The following CUL1 variants were observed in gnomAD, a reference collection of about 807,000 sequenced individuals.
CUL1 encodes cullin 1.
A neutral mutation model predicts 118.0 loss-of-function variants in CUL1; 24 were observed. The observed-to-expected ratio is 0.20, with a 90% CI of 0.15 to 0.29. The LOEUF (loss-of-function observed/expected upper bound fraction) is 0.29. Ranked by LOEUF, CUL1 falls within the 10% of genes least tolerant of loss-of-function variation. The probability of loss-of-function intolerance (pLI) is 1.00; values close to 1 mark genes in which losing one functional copy is unlikely to be tolerated. For synonymous variants in CUL1, 332 were observed against 340.4 expected (o/e 0.98, Z 0.27); for missense variants, 361 against 933.8 (o/e 0.39, Z 7.99).
Position 148,738,731 on chromosome 7 carries a change from T to A in CUL1, c.140+8469T>A, listed in dbSNP as rs528859912. ...ATTTTATTGCCTTGTAGACTTTTAATTTTTTATCTCTGATGTTTTTGCTTT... is the reference window on the plus strand; with the variant it reads ...ATTTTATTGCCTTGTAGACTTTTAAATTTTTATCTCTGATGTTTTTGCTTT... On this transcript the variant is annotated intron_variant, in intron 2 of 21. Transcript: ENST00000325222. Among the ~76,000 whole-genome samples the A allele has an allele frequency of 9.2e-5, 14 of 152,360 alleles. No homozygotes were observed. In the South Asian group the frequency reaches 2.9e-3, roughly 32 times the overall value.
At chr7:148,788,519 G>C (rs1800894985) in intron 13 of CUL1, 38 bp from the exon 14 acceptor site, 2 of 1,314,466 alleles carry the variant, frequency 1.5e-6, no homozygotes, top group African/African-American at 2.9e-5. Flanking sequence ...TTGTATTTTT[G>C]TACAAATTAA....
Position 148,730,071 on chromosome 7 carries a change from T to G in CUL1, c.-52T>G. 1.9e-6 allele frequency: 3 copies of G among 1,575,344 alleles called. No homozygotes were observed. The highest frequency in any genetic ancestry group is 2.6e-6 in the Non-Finnish European group (3 of 1,159,648). ...TATTTTCATCTAATGGAGAACTAGCTGTACTTTGAATAAGGATTGCTGCAC... is the reference window on the plus strand; with the variant it reads ...TATTTTCATCTAATGGAGAACTAGCGGTACTTTGAATAAGGATTGCTGCAC... On this transcript the variant is annotated 5_prime_UTR_variant, in exon 2 of 22. Coordinates refer to ENST00000325222, the MANE Select transcript of CUL1 (RefSeq NM_003592.3).
At chr7:148,799,814 C>A (rs895916390) in intron 21 of CUL1, among the ~76,000 whole-genome samples, 6 of 152,186 alleles carry the variant, frequency 3.9e-5, no homozygotes, top group Non-Finnish European at 7.3e-5. Context: ...GCAGTATCTT[C>A]GGGAGGTTCG....
At chr7:148,792,859 T>C (rs774583661) in intron 17 of CUL1, 41 bp downstream of exon 17, 1 of 1,422,692 alleles carries the variant, frequency 7.0e-7, no homozygotes, top group Non-Finnish European at 9.9e-7. Flanking sequence ...AGCTTGCCGT[T>C]TCCTTGTTCT....
intron 2 of CUL1, 90 bp downstream of exon 2, chr7:148,730,352 C>T: frequency 7.4e-7 from 1 of 1,356,372 alleles, no homozygotes; most frequent in East Asian, 2.5e-5. Context: ...ATATTGTTTT[C>T]TCCTCCCAGT....
intron 9 of CUL1, among the ~76,000 whole-genome samples, chr7:148,779,443 A>G (rs1295466445): frequency 2.0e-5 from 3 of 152,186 alleles, no homozygotes; most frequent in Non-Finnish European, 4.4e-5. Flanking sequence ...GCATCCCTGA[A>G]AAAAGTGTTT....
chr7:148,708,336 G>T (rs886389610), intron 1 of CUL1, among the ~76,000 whole-genome samples: 3 of 152,126 alleles, frequency 2.0e-5, no homozygotes, highest in Non-Finnish European at 2.9e-5. Flanking sequence ...TTCTAGCGTT[G>T]TGTCAGAGAC....
intron 2 of CUL1, among the ~76,000 whole-genome samples, chr7:148,741,248 C>T (rs896369983): frequency 6.6e-6 from 1 of 152,156 alleles, no homozygotes; most frequent in Non-Finnish European, 1.5e-5. Flanking sequence ...CATATGTTTT[C>T]ATTTTTCTTA....
intron 7 of CUL1, among the ~76,000 whole-genome samples, chr7:148,765,188 C>A (rs1027913571): frequency 6.6e-6 from 1 of 152,128 alleles, no homozygotes; most frequent in South Asian, 2.1e-4. Flanking sequence ...TTCTGACTTA[C>A]GTGGTTTAAA....
chr7:148,757,220 T>A, intron 4 of CUL1, 70 bp downstream of exon 4: 1 of 1,040,402 alleles, frequency 9.6e-7, no homozygotes, highest in Non-Finnish European at 1.3e-6. Flanking sequence ...AAATTGTCTT[T>A]CAGCAAGAGA....
chr7:148,719,967 C>T (rs1190292334), intron 1 of CUL1, among the ~76,000 whole-genome samples: 1 of 152,174 alleles, frequency 6.6e-6, no homozygotes, highest in African/African-American at 2.4e-5. Context: ...GCCTGGGCTT[C>T]CTCATTTGTG....
At chr7:148,780,834 GCTTT>G (rs1347688224) in intron 9 of CUL1, among the ~76,000 whole-genome samples, 1 of 151,998 alleles carries the variant, frequency 6.6e-6, no homozygotes, top group African/African-American at 2.4e-5. Flanking sequence ...TTTGTTCTTT[GCTTT>G]CTTGAAAAAA....
intron 1 of CUL1, among the ~76,000 whole-genome samples, chr7:148,708,482 C>T (rs760991931): frequency 1.3e-5 from 2 of 152,348 alleles, no homozygotes; most frequent in East Asian, 1.9e-4. Flanking sequence ...TCTGCCCTCA[C>T]GCCTGGCGAT....
chr7:148,782,254 A>G (rs1449503462), intron 9 of CUL1, among the ~76,000 whole-genome samples: 2 of 152,210 alleles, frequency 1.3e-5, no homozygotes, highest in Non-Finnish European at 2.9e-5. Flanking sequence ...AAATATTTTC[A>G]TTGTTTAAAA....
chr7:148,741,839 G>C (rs763873121), intron 2 of CUL1, among the ~76,000 whole-genome samples: 3 of 152,248 alleles, frequency 2.0e-5, no homozygotes, highest in Non-Finnish European at 4.4e-5. Context: ...CCCCCAAAGT[G>C]CTGGGATTGC....
rs1181482368 is a variant in CUL1 at position 148,753,973 on chromosome 7, A to C, written c.141-3A>C. On this transcript the variant is annotated splice_polypyrimidine_tract_variant and splice_region_variant and intron_variant, in intron 2 of 21. Coordinates refer to ENST00000325222, the MANE Select transcript of CUL1 (RefSeq NM_003592.3). ...ATGTTGGTTTCCTTAACTTTTCTCC[A>C]AGTCATGTTTATAACTACTGTACTA... The C allele has an allele frequency of 3.2e-6, 5 of 1,581,400 alleles. No individual in the cohort carries two copies. In the African/African-American group the frequency reaches 5.5e-5, roughly 17 times the overall value.
At chr7:148,790,091 G>A (rs184118359) in intron 15 of CUL1, among the ~76,000 whole-genome samples, 2 of 152,232 alleles carry the variant, frequency 1.3e-5, no homozygotes, top group African/African-American at 4.8e-5. Flanking sequence ...TGAACACCTC[G>A]ATGGACCTGC....
intron 1 of CUL1, among the ~76,000 whole-genome samples, chr7:148,727,800 G>A (rs1260478875): frequency 6.6e-6 from 1 of 152,040 alleles, no homozygotes; most frequent in Non-Finnish European, 1.5e-5. Context: ...GAACCTGAGG[G>A]GAGGGAGGGG....
At chr7:148,720,039 A>G (rs1042533084) in intron 1 of CUL1, among the ~76,000 whole-genome samples, 21 of 152,250 alleles carry the variant, frequency 1.4e-4, no homozygotes, top group Non-Finnish European at 1.5e-5. Context: ...TGAAAGCATT[A>G]AAGCTGTTGT....
Sources: allele counts gnomAD v4.1 joint callset (sites outside exome capture counted in the v4.1 genomes callset), GRCh38; gene constraint gnomAD v4.1.1; transcripts MANE v1.5; gene names NCBI Gene and HGNC (gene_info 2026-07-23, HGNC 2026-07-21).